ACVR2A: variants seen among roughly 807,000 people sequenced by gnomAD.
The protein encoded by ACVR2A is activin receptor type-2A.
In ACVR2A, 7 loss-of-function variants were observed where a neutral mutation model predicts 61.4. That is an observed-to-expected ratio of 0.11 (90% CI 0.06 to 0.21). ACVR2A has a LOEUF of 0.21. Ranked by LOEUF, ACVR2A falls within the 10% of genes least tolerant of loss-of-function variation. ACVR2A has a pLI of 1.00. For missense variants in ACVR2A, 322 were observed against 621.7 expected (o/e 0.52, Z 5.13); for synonymous variants, 193 against 208.3 (o/e 0.93, Z 0.63).
intron 1 of ACVR2A, among the ~76,000 whole-genome samples, chr2:147,853,336 G>A (rs1685492167): frequency 6.6e-6 from 1 of 152,048 alleles, no homozygotes; most frequent in Non-Finnish European, 1.5e-5. Context: ...AACATTAGTG[G>A]CTCAATATGT....
At chr2:147,925,221 T>G (rs998188570) in intron 9 of ACVR2A, among the ~76,000 whole-genome samples, 2 of 151,998 alleles carry the variant, frequency 1.3e-5, no homozygotes, top group African/African-American at 4.8e-5. Context: ...TGTATGTCTT[T>G]GTGCAAATTA....
rs969550761 is a variant in ACVR2A at position 147,927,648 on chromosome 2, A to AT, written c.*382dup. 1.2e-4 allele frequency: 19 copies of AT among 160,270 alleles called. No individual in the cohort carries two copies. The highest frequency in any genetic ancestry group is 2.6e-4 in the African/African-American group (11 of 41,794). The allele number at this position is 160,270 out of a possible 1,614,324, so 9.9% of individuals were successfully genotyped here. On this transcript the variant is annotated 3_prime_UTR_variant, in exon 11 of 11. Coordinates refer to ENST00000241416, the MANE Select transcript of ACVR2A (RefSeq NM_001616.5). ...CTAATTCCTTAAATGAACTACTGCT[A>AT]TTTTTTTTAAATCAAAAACTTTTCA... is the stretch of plus-strand genomic sequence containing the variant.
chr2:147,845,705 A>G (rs946510250), intron 1 of ACVR2A, among the ~76,000 whole-genome samples: 1 of 152,168 alleles, frequency 6.6e-6, no homozygotes, highest in African/African-American at 2.4e-5. Context: ...AATACATCCT[A>G]TCAGCAATTT....
chr2:147,886,114 C>A (rs2105176911), intron 1 of ACVR2A, among the ~76,000 whole-genome samples: 1 of 152,074 alleles, frequency 6.6e-6, no homozygotes, highest in East Asian at 1.9e-4. Flanking sequence ...TTTCCAAGTA[C>A]CTAAAATCAT....
intron 1 of ACVR2A, among the ~76,000 whole-genome samples, chr2:147,870,523 C>G (rs1245338455): frequency 1.3e-5 from 2 of 152,082 alleles, no homozygotes; most frequent in Non-Finnish European, 2.9e-5. Context: ...TGTGGGCTGC[C>G]CGGTATGGAG....
chr2:147,913,579 A>G (rs1346790353), intron 4 of ACVR2A, among the ~76,000 whole-genome samples: 1 of 151,870 alleles, frequency 6.6e-6, no homozygotes, highest in Non-Finnish European at 1.5e-5. Context: ...CCACATTCAT[A>G]TAAGCAGTCT....
chr2:147,848,167 A>G (rs1000372553), intron 1 of ACVR2A, among the ~76,000 whole-genome samples: 1 of 152,344 alleles, frequency 6.6e-6, no homozygotes, highest in Non-Finnish European at 1.5e-5. Context: ...CAAGTGATGG[A>G]TGATAAATAC....
intron 6 of ACVR2A, 88 bp from the exon 7 acceptor site, chr2:147,918,359 A>T: frequency 8.6e-7 from 1 of 1,160,946 alleles, no homozygotes; most frequent in Non-Finnish European, 1.2e-6. Context: ...AGGGAAACTC[A>T]CAACCTCTTA....
At chr2:147,865,983 G>A (rs1056509537) in intron 1 of ACVR2A, among the ~76,000 whole-genome samples, 2 of 152,126 alleles carry the variant, frequency 1.3e-5, no homozygotes, top group African/African-American at 2.4e-5. Flanking sequence ...AATATTTTAT[G>A]TTTTCTCTGT....
At chr2:147,887,287 G>GA (rs1411455842) in intron 1 of ACVR2A, among the ~76,000 whole-genome samples, 3 of 151,856 alleles carry the variant, frequency 2.0e-5, no homozygotes, top group African/African-American at 7.3e-5. Flanking sequence ...AACAGTTTGG[G>GA]AAAAAAAGAA....
chr2:147,848,884 C>T (rs1025050749), intron 1 of ACVR2A, among the ~76,000 whole-genome samples: 1 of 152,034 alleles, frequency 6.6e-6, no homozygotes, highest in South Asian at 2.1e-4. Flanking sequence ...AGTAAAAGGG[C>T]TCTGCTCTCT....
At chr2:147,910,672 G>A (rs750189877) in intron 4 of ACVR2A, among the ~76,000 whole-genome samples, 2 of 152,088 alleles carry the variant, frequency 1.3e-5, no homozygotes, top group Non-Finnish European at 2.9e-5. Context: ...CCTACCACTG[G>A]TGATCATATT....
intron 2 of ACVR2A, chr2:147,898,424 A>G (rs1006883010): frequency 5.9e-5 from 9 of 152,138 alleles, no homozygotes; most frequent in African/African-American, 1.9e-4. Context: ...TTAAATTTAT[A>G]TATTTCTCTT....
chr2:147,929,587 T>C lies in ACVR2A; in HGVS notation c.*2313T>C, dbSNP rs1450886565. The C allele has an allele frequency of 6.6e-6, 1 of 152,422 alleles. No homozygotes were observed. Among genetic ancestry groups the C allele is most frequent in the East Asian group, 1.9e-4 (1 of 5,182 alleles). 9.4% of individuals were successfully genotyped at this position (152,422 alleles called of 1,614,324 possible). On this transcript the variant is annotated 3_prime_UTR_variant, in exon 11 of 11. Transcript: ENST00000241416. ...CTATTATTAATAGAAAAACTTTTTA[T>C]AAGCAGTAAAATAAGAATGTTCCAG...
chr2:147,861,346 A>G (rs756267920), intron 1 of ACVR2A, among the ~76,000 whole-genome samples: 5 of 152,154 alleles, frequency 3.3e-5, no homozygotes, highest in Non-Finnish European at 5.9e-5. Flanking sequence ...ATTTGTATTT[A>G]TTTGACTCTG....
chr2:147,924,132 A>T (rs1181283740), intron 9 of ACVR2A, among the ~76,000 whole-genome samples: 1 of 152,108 alleles, frequency 6.6e-6, no homozygotes, highest in Non-Finnish European at 1.5e-5. Context: ...TTTAGGAAGA[A>T]GCGTTAAGAA....
Position 147,899,732 on chromosome 2 carries a change from C to A in ACVR2A, c.374-12C>A, listed in dbSNP as rs756667219. On this transcript the variant is annotated splice_polypyrimidine_tract_variant and intron_variant, in intron 3 of 10. Transcript: ENST00000241416. ...ACCAAATCTGAGTTATTTTTCCCCC[C>A]CTTTTCCACAGCCACTTCAAATCCA... is the stretch of plus-strand genomic sequence containing the variant. 7 of 1,611,042 alleles carry A rather than the reference C, an allele frequency of 4.3e-6. No homozygotes were observed. Among genetic ancestry groups the A allele is most frequent in the Non-Finnish European group, 1.7e-6 (2 of 1,178,400 alleles).
chr2:147,881,482 ATTTT>A (rs933504598), intron 1 of ACVR2A, among the ~76,000 whole-genome samples: 1 of 148,978 alleles, frequency 6.7e-6, no homozygotes, highest in Non-Finnish European at 1.5e-5. Flanking sequence ...TGTGACTTGA[ATTTT>A]TTTTTTCTTT....
intron 1 of ACVR2A, among the ~76,000 whole-genome samples, chr2:147,885,597 A>G (rs934116162): frequency 3.3e-5 from 5 of 152,124 alleles, no homozygotes; most frequent in Non-Finnish European, 7.4e-5. Context: ...GTGAATGGAT[A>G]TTTGTGGCTT....
Sources: gnomAD v4.1 joint callset for allele counts (sites outside exome capture counted in the v4.1 genomes callset) on GRCh38, gnomAD v4.1.1 for gene constraint, MANE v1.5 for transcripts, NCBI Gene and HGNC (gene_info 2026-07-23, HGNC 2026-07-21) for gene names.